Variants in RABGAP1 observed in about 807,000 individuals in gnomAD.
RABGAP1 encodes RAB GTPase activating protein 1.
In RABGAP1, 23 loss-of-function variants were observed where a neutral mutation model predicts 137.6. That is an observed-to-expected ratio of 0.17 (90% CI 0.12 to 0.24). The LOEUF (loss-of-function observed/expected upper bound fraction) is 0.24, where lower values mean the gene tolerates loss of function less well. Ranked by LOEUF, RABGAP1 falls within the 10% of genes least tolerant of loss-of-function variation. The pLI is 1.00. For missense variants in RABGAP1, 906 were observed against 1,275.8 expected, an observed-to-expected ratio of 0.71 and a Z score of 4.42; for synonymous variants, 451 against 450.7, an observed-to-expected ratio of 1.00 and a Z score of -0.01.
intron 21 of RABGAP1, among the ~76,000 whole-genome samples, chr9:123,097,497 C>T (rs542146212): frequency 1.3e-5 from 2 of 152,256 alleles, no homozygotes; most frequent in South Asian, 2.1e-4. Flanking sequence ...GAACAATGGG[C>T]GATGAGTCCA....
intron 13 of RABGAP1, among the ~76,000 whole-genome samples, chr9:123,051,639 C>A (rs530770475): frequency 6.6e-6 from 1 of 152,152 alleles, no homozygotes; most frequent in African/African-American, 2.4e-5. Flanking sequence ...AAACACTGAG[C>A]AGCCTTCATA....
chr9:123,058,437 T>TA (rs1485497318), intron 13 of RABGAP1, among the ~76,000 whole-genome samples: 5 of 152,204 alleles, frequency 3.3e-5, no homozygotes, highest in Non-Finnish European at 5.9e-5. Context: ...ATCTGAATGG[T>TA]AAAATTCTTC....
chr9:122,989,895 G>T, intron 5 of RABGAP1, 161 bp from the exon 6 acceptor site: 2 of 733,224 alleles, frequency 2.7e-6, no homozygotes, highest in African/African-American at 1.8e-5. Flanking sequence ...GACATTTTTA[G>T]TGTTGCTTGC....
At chr9:123,045,167 T>C (rs2033151129) in intron 13 of RABGAP1, among the ~76,000 whole-genome samples, 1 of 152,214 alleles carries the variant, frequency 6.6e-6, no homozygotes. Flanking sequence ...CAGCAAATAC[T>C]TACTGAGTTG....
chr9:122,931,749 G>T, the RABGAP1 span, among the ~76,000 whole-genome samples: 5 of 152,218 alleles, frequency 3.3e-5, no homozygotes, highest in African/African-American at 1.2e-4. Context: ...AAGCGTCTGT[G>T]GCTCAGGCCC....
intron 1 of RABGAP1, among the ~76,000 whole-genome samples, chr9:122,944,639 C>T (rs1053211110): frequency 2.0e-5 from 3 of 151,816 alleles, no homozygotes; most frequent in Non-Finnish European, 2.9e-5. Flanking sequence ...GGCGTGATCT[C>T]GGCTCACTGC....
chr9:123,052,166 G>T (rs1303056752), intron 13 of RABGAP1, among the ~76,000 whole-genome samples: 2 of 152,086 alleles, frequency 1.3e-5, no homozygotes, highest in Non-Finnish European at 2.9e-5. Flanking sequence ...ACTGATAAGA[G>T]AATATTTTCA....
intron 13 of RABGAP1, among the ~76,000 whole-genome samples, chr9:123,026,608 G>C (rs2031986119): frequency 6.6e-6 from 1 of 152,130 alleles, no homozygotes; most frequent in Non-Finnish European, 1.5e-5. Flanking sequence ...GGTAGAACTT[G>C]TCAGACTCAG....
chr9:123,100,383 ATGTGTGTGTG>A (rs56811028), intron 24 of RABGAP1, among the ~76,000 whole-genome samples: 5,953 of 136,474 alleles, frequency 0.044, 144 homozygotes, highest in South Asian at 0.052. Context: ...GTTTAACCAG[ATGTGTGTGTG>A]TGTGTGTGTG....
chr9:122,962,008 T>C (rs1834879886), intron 2 of RABGAP1, among the ~76,000 whole-genome samples: 2 of 152,170 alleles, frequency 1.3e-5, no homozygotes, highest in Non-Finnish European at 2.9e-5. Flanking sequence ...TCTCAACTTC[T>C]TTAAAGGTAT....
intron 10 of RABGAP1, among the ~76,000 whole-genome samples, chr9:123,007,557 T>TG (rs1244467015): frequency 1.1e-4 from 16 of 146,758 alleles, no homozygotes; most frequent in African/African-American, 3.7e-4. Context: ...TTTTGTATTT[T>TG]TTTTTTTTTT....
At chr9:122,989,506 A>T (rs1320014669) in intron 5 of RABGAP1, 35 bp downstream of exon 5, 1 of 1,592,450 alleles carries the variant, frequency 6.3e-7, no homozygotes, top group Non-Finnish European at 8.6e-7. Context: ...TGCAAATGAA[A>T]CTTCACCAGT....
intron 17 of RABGAP1, among the ~76,000 whole-genome samples, chr9:123,075,158 A>C (rs2132155089): frequency 6.6e-6 from 1 of 152,248 alleles, no homozygotes; most frequent in South Asian, 2.1e-4. Context: ...AAATACTACA[A>C]ATCCCACTGT....
At chr9:122,947,062 C>G (rs897716870) in intron 1 of RABGAP1, among the ~76,000 whole-genome samples, 52 of 152,166 alleles carry the variant, frequency 3.4e-4, no homozygotes, top group African/African-American at 1.2e-3. Context: ...TGGAAAACAC[C>G]TGATATCCCC....
At chr9:122,964,658 A>G (rs1588177830) in intron 2 of RABGAP1, among the ~76,000 whole-genome samples, 1 of 152,154 alleles carries the variant, frequency 6.6e-6, no homozygotes, top group African/African-American at 2.4e-5. Context: ...AAGTTTAAGA[A>G]TAAGACAAGG....
At chr9:122,972,899 G>A (rs1319960843) in intron 2 of RABGAP1, among the ~76,000 whole-genome samples, 1 of 151,286 alleles carries the variant, frequency 6.6e-6, no homozygotes, top group Non-Finnish European at 1.5e-5. Context: ...ACTTGGGGAG[G>A]CCAAAGTGGG....
chr9:123,088,880 G>A (rs982582832), intron 19 of RABGAP1, among the ~76,000 whole-genome samples: 1 of 152,162 alleles, frequency 6.6e-6, no homozygotes. Context: ...TGAAAGTCAG[G>A]GAGTTTTGAA....
rs777470116 is a variant in RABGAP1, at chr9:123,010,536, G to C, written c.1549+8G>C. 6.2e-7 allele frequency: 1 copy of C among 1,609,370 alleles called. No homozygotes were observed. The highest frequency in any genetic ancestry group is 1.1e-5 in the South Asian group (1 of 90,634). Reference sequence around the variant, plus strand: ...AAGATGATGAAGAGGAAGGTAAACTGTAGGGATAGCTTAATTTATTTTTGG... The same window carrying C: ...AAGATGATGAAGAGGAAGGTAAACTCTAGGGATAGCTTAATTTATTTTTGG... On this transcript the variant is annotated splice_region_variant and intron_variant, in intron 11 of 25. Transcript: ENST00000373647.
intron 13 of RABGAP1, among the ~76,000 whole-genome samples, chr9:123,037,148 G>A (rs1260527118): frequency 1.3e-5 from 2 of 152,138 alleles, no homozygotes; most frequent in Non-Finnish European, 2.9e-5. Flanking sequence ...AAACCCAGGG[G>A]ACATGGGTTA....
Sources: gnomAD v4.1 joint callset for allele counts (sites outside exome capture counted in the v4.1 genomes callset) on GRCh38, gnomAD v4.1.1 for gene constraint, MANE v1.5 for transcripts, NCBI Gene and HGNC (gene_info 2026-07-23, HGNC 2026-07-21) for gene names.